ZNHIT6: variants seen among roughly 807,000 people sequenced by gnomAD.
ZNHIT6 encodes zinc finger HIT-type containing 6.
A neutral mutation model predicts 57.2 loss-of-function variants in ZNHIT6; 45 were observed. That is an observed-to-expected ratio of 0.79 (90% CI 0.62 to 1.01). ZNHIT6 has a LOEUF of 1.01. Ranked by LOEUF, ZNHIT6 falls within the 50% of genes least tolerant of loss-of-function variation. The pLI is 0.00. For missense variants in ZNHIT6, 528 were observed against 567.3 expected (o/e 0.93, Z 0.70); for synonymous variants, 188 against 190.0 (o/e 0.99, Z 0.09).
chr1:85,675,721 T>C (rs754171992), intron 8 of ZNHIT6, among the ~76,000 whole-genome samples: 10 of 152,338 alleles, frequency 6.6e-5, no homozygotes, highest in African/African-American at 2.4e-4. Context: ...TTTGTCTACA[T>C]TGAAAAATCT....
intron 6 of ZNHIT6, among the ~76,000 whole-genome samples, chr1:85,679,930 A>G (rs1459751159): frequency 6.6e-6 from 1 of 152,218 alleles, no homozygotes; most frequent in Non-Finnish European, 1.5e-5. Flanking sequence ...TATAGGCTGG[A>G]TGCGGTGGCT....
chr1:85,663,319 G>C (rs937036119), intron 8 of ZNHIT6, among the ~76,000 whole-genome samples: 1 of 152,154 alleles, frequency 6.6e-6, no homozygotes, highest in East Asian at 1.9e-4. Flanking sequence ...AGCATGAACT[G>C]AACTCTTGAC....
At chr1:85,678,043 G>GA (rs1661757089) in intron 7 of ZNHIT6, among the ~76,000 whole-genome samples, 1 of 152,074 alleles carries the variant, frequency 6.6e-6, no homozygotes, top group African/African-American at 2.4e-5. Flanking sequence ...TCACTGATGA[G>GA]AAAAAATAAG....
intron 5 of ZNHIT6, among the ~76,000 whole-genome samples, chr1:85,693,408 G>A (rs1662272821): frequency 1.3e-5 from 2 of 151,924 alleles, no homozygotes; most frequent in Non-Finnish European, 2.9e-5. Flanking sequence ...GAGGTTCCAG[G>A]GAAAAATAAA....
intron 8 of ZNHIT6, among the ~76,000 whole-genome samples, chr1:85,666,905 CTT>C (rs1008778195): frequency 6.6e-6 from 1 of 152,116 alleles, no homozygotes; most frequent in Non-Finnish European, 1.5e-5. Flanking sequence ...TTCCTTTGTT[CTT>C]TGTTTTATTC....
intron 6 of ZNHIT6, among the ~76,000 whole-genome samples, chr1:85,679,883 C>A (rs1209809469): frequency 6.6e-6 from 1 of 152,188 alleles, no homozygotes; most frequent in East Asian, 1.9e-4. Context: ...CTGCATCTGG[C>A]CAACATTAAA....
intron 4 of ZNHIT6, among the ~76,000 whole-genome samples, chr1:85,705,025 C>T (rs984523372): frequency 2.0e-5 from 3 of 152,176 alleles, no homozygotes; most frequent in African/African-American, 7.2e-5. Context: ...TCAAACAGTA[C>T]ACCCAAGCCA....
At chr1:85,700,478 C>T (rs539468533) in intron 5 of ZNHIT6, among the ~76,000 whole-genome samples, 5 of 151,978 alleles carry the variant, frequency 3.3e-5, no homozygotes, top group Middle Eastern at 3.4e-3. Context: ...CGGGGAGTTT[C>T]AAAACAACCA....
chr1:85,686,607 C>G (rs148115000), intron 5 of ZNHIT6, among the ~76,000 whole-genome samples: 2 of 152,126 alleles, frequency 1.3e-5, no homozygotes, highest in African/African-American at 4.8e-5. Context: ...AGAACACTAA[C>G]GAGAGCTCAC....
At chr1:85,701,844 C>A (rs1194987529) in intron 5 of ZNHIT6, among the ~76,000 whole-genome samples, 1 of 152,058 alleles carries the variant, frequency 6.6e-6, no homozygotes, top group Non-Finnish European at 1.5e-5. Flanking sequence ...AAACTCCAAC[C>A]CAGGCCTACT....
intron 5 of ZNHIT6, among the ~76,000 whole-genome samples, chr1:85,685,020 T>G (rs1661987926): frequency 6.6e-6 from 1 of 152,170 alleles, no homozygotes. Flanking sequence ...TGTAGAAATG[T>G]TTTTTAAATT....
chr1:85,687,484 C>T (rs1662096708), intron 5 of ZNHIT6, among the ~76,000 whole-genome samples: 1 of 151,932 alleles, frequency 6.6e-6, no homozygotes, highest in Non-Finnish European at 1.5e-5. Context: ...CCTGAATGCT[C>T]TGCTAAGCAG....
In ZNHIT6 at chr1:85,707,706, GA is replaced by G; in HGVS notation, c.578del (p.Ile193ThrfsTer7). On this transcript the variant is annotated frameshift_variant, in exon 1 of 10. Transcript: ENST00000370574. LOFTEE classifies it high-confidence loss of function. ...KEEKDFLKKEIVDDTKVKEEP... is the reference protein window; with the variant it reads ...KEEKDFLKKEXVDDTKVKEEP... ...CTTCTTTCACCTTTGTATCATCCAC[GA>G]TTTCTTTCTTCAGGAAATCCTTCTC... The G allele has an allele frequency of 6.2e-7, 1 of 1,609,588 alleles. No homozygotes were observed. Among genetic ancestry groups the G allele is most frequent in the Non-Finnish European group, 8.5e-7 (1 of 1,178,298 alleles).
intron 8 of ZNHIT6, among the ~76,000 whole-genome samples, chr1:85,675,250 C>T (rs1239833951): frequency 6.6e-6 from 1 of 152,096 alleles, no homozygotes; most frequent in Admixed American, 6.6e-5. Flanking sequence ...AAAAATACGT[C>T]AAAGAAGTAT....
At chr1:85,671,243 G>C (rs1358719653) in intron 8 of ZNHIT6, among the ~76,000 whole-genome samples, 1 of 152,122 alleles carries the variant, frequency 6.6e-6, no homozygotes, top group Non-Finnish European at 1.5e-5. Flanking sequence ...TGTGTTTAGT[G>C]GTGAGTGGCC....
chr1:85,663,279 TGACAGA>T (rs1661275010), intron 8 of ZNHIT6, among the ~76,000 whole-genome samples: 1 of 152,220 alleles, frequency 6.6e-6, no homozygotes, highest in African/African-American at 2.4e-5. Flanking sequence ...TTATGATTTA[TGACAGA>T]GACAGAGACT....
chr1:85,687,299 C>CAAAAAA (rs55889012), intron 5 of ZNHIT6, among the ~76,000 whole-genome samples: 7 of 77,948 alleles, frequency 9.0e-5, no homozygotes, highest in African/African-American at 9.6e-5. Flanking sequence ...AAAAAAAAAA[C>CAAAAAA]AAAAAAAAAA....
In ZNHIT6 at chr1:85,653,668, T is replaced by G. The variant is rs1400204510; in HGVS notation, c.*390A>C. ...GTACCAGCCTGTTGGGAGGCTGCAGTGAGAGGACCATTCGAGCCCAGGAAT... is the reference window on the plus strand; with the variant it reads ...GTACCAGCCTGTTGGGAGGCTGCAGGGAGAGGACCATTCGAGCCCAGGAAT... On this transcript the variant is annotated 3_prime_UTR_variant, in exon 10 of 10. Transcript: ENST00000370574. 6.4e-6 allele frequency: 1 copy of G among 156,176 alleles called. No homozygotes were observed. Among genetic ancestry groups the G allele is most frequent in the Non-Finnish European group, 1.4e-5 (1 of 71,414 alleles). 9.7% of individuals were successfully genotyped at this position (156,176 alleles called of 1,614,324 possible). A position where few individuals can be genotyped will look rare whatever the true frequency, so the allele number is the denominator to read the frequency against.
chr1:85,667,885 A>T (rs1252226086), intron 8 of ZNHIT6, among the ~76,000 whole-genome samples: 1 of 144,392 alleles, frequency 6.9e-6, no homozygotes, highest in African/African-American at 2.6e-5. Context: ...AATGAGCTGA[A>T]ATTGCGCGAC....
Sources: gnomAD v4.1 joint callset for allele counts (sites outside exome capture counted in the v4.1 genomes callset) on GRCh38, gnomAD v4.1.1 for gene constraint, MANE v1.5 for transcripts, NCBI Gene and HGNC (gene_info 2026-07-23, HGNC 2026-07-21) for gene names.